ABR: variants seen among roughly 807,000 people sequenced by gnomAD.
ABR encodes the protein ABR activator of RhoGEF and GTPase.
A neutral mutation model predicts 107.2 loss-of-function variants in ABR; 35 were observed. That is an observed-to-expected ratio of 0.33 (90% confidence interval 0.25 to 0.43). The LOEUF (loss-of-function observed/expected upper bound fraction) is 0.43, where lower values mean the gene tolerates loss of function less well. ABR is among the 20% of genes least tolerant of loss of function. ABR has a pLI of 1.00. For synonymous variants in ABR, 498 were observed against 462.0 expected, an observed-to-expected ratio of 1.08 and a Z score of -1.00; for missense variants, 815 against 1,115.2, an observed-to-expected ratio of 0.73 and a Z score of 3.83.
intron 1 of ABR, among the ~76,000 whole-genome samples, chr17:1,160,490 C>G (rs187718343): frequency 6.6e-6 from 1 of 152,234 alleles, no homozygotes; most frequent in Non-Finnish European, 1.5e-5. Context: ...CTCTCTGACT[C>G]TAAGGAGAAC....
Position 1,023,053 on chromosome 17 carries a change from C to A in ABR, c.1792-9889G>T, listed in dbSNP as rs564748570. Among the ~76,000 whole-genome samples, 302 of 148,230 alleles carry A rather than the reference C, an allele frequency of 2.0e-3. 4 individuals carry two copies. Among genetic ancestry groups the A allele is most frequent in the African/African-American group, 7.2e-3 (286 of 39,672 alleles). ...CACTGCAGAGCCTCTGCCTGCCCCACGTCCGCTCCAGCGCCTCTGCCGGCC... is the reference window on the plus strand; with the variant it reads ...CACTGCAGAGCCTCTGCCTGCCCCAAGTCCGCTCCAGCGCCTCTGCCGGCC... On this transcript the variant is annotated intron_variant, in intron 16 of 22. Coordinates refer to ENST00000302538, the MANE Select transcript of ABR (RefSeq NM_021962.5).
At chr17:1,097,704 G>A (rs1369382144) in intron 3 of ABR, among the ~76,000 whole-genome samples, 1 of 151,916 alleles carries the variant, frequency 6.6e-6, no homozygotes, top group Non-Finnish European at 1.5e-5. Context: ...ACTGAGGCAC[G>A]ATAGCTCATT....
chr17:1,159,383 G>A (rs977149767), intron 1 of ABR, among the ~76,000 whole-genome samples: 2 of 102,658 alleles, frequency 1.9e-5, no homozygotes, highest in Admixed American at 1.0e-4. Context: ...GTAAGAATGC[G>A]GTACTCACAC....
intron 5 of ABR, among the ~76,000 whole-genome samples, chr17:1,080,830 T>TCGG (rs2036182032): frequency 6.6e-6 from 1 of 152,116 alleles, no homozygotes; most frequent in Non-Finnish European, 1.5e-5. Context: ...CTCCCAGATT[T>TCGG]CGGGAATGTT....
At chr17:1,123,839 G>T (rs2039463443) in intron 2 of ABR, among the ~76,000 whole-genome samples, 1 of 152,168 alleles carries the variant, frequency 6.6e-6, no homozygotes. Flanking sequence ...TTTGTACCCT[G>T]AGCCCAATGC....
chr17:1,153,445 G>GTCCAGGCACACCTGTGGGAGGGCTAGGGA (rs2040889995), intron 1 of ABR, among the ~76,000 whole-genome samples: 10 of 56,606 alleles, frequency 1.8e-4, no homozygotes, highest in Non-Finnish European at 3.6e-4. Flanking sequence ...AGGGCTGGGG[G>GTCCAGGCACACCTGTGGGAGGGCTAGGGA]TCCAGGCACA....
chr17:1,137,165 T>C lies in ABR; in HGVS notation c.62-11798A>G, dbSNP rs1281925283. 5.3e-5 allele frequency among the ~76,000 whole-genome samples: 8 copies of C among 152,108 alleles called. No individual in the cohort carries two copies. In the East Asian group the frequency reaches 1.4e-3, roughly 26 times the overall value. On this transcript the variant is annotated intron_variant, in intron 1 of 22. Transcript: ENST00000302538. ...TTCAAGTGAGTCTCCCACCTCAGAC[T>C]CCTGAGTAGCTGGAATTACAGGCGC...
In ABR at chr17:1,005,344, A is replaced by G; in HGVS notation, c.*736T>C. On this transcript the variant is annotated 3_prime_UTR_variant, in exon 23 of 23. Transcript: ENST00000302538. ...TGGAGATTCCCAAACGGAAAATTCC[A>G]GAAATGGGCGCTCCAGCTCTGTGCT... The G allele has an allele frequency of 2.5e-6, 1 of 394,026 alleles. No homozygotes were observed. The highest frequency in any genetic ancestry group is 3.6e-5 in the East Asian group (1 of 27,874). The allele number at this position is 394,026 out of a possible 1,614,324, so 24.4% of individuals were successfully genotyped here.
intron 12 of ABR, 119 bp from the exon 13 acceptor site, chr17:1,057,221 G>A (rs766251942): frequency 3.4e-5 from 22 of 655,702 alleles, no homozygotes; most frequent in East Asian, 2.2e-4. Flanking sequence ...TGGTCCTTGC[G>A]AGGGAGGGGG....
chr17:1,217,368 A>G (rs976729231), intron 1 of ABR, among the ~76,000 whole-genome samples: 1 of 152,188 alleles, frequency 6.6e-6, no homozygotes, highest in East Asian at 1.9e-4. Context: ...TGAGCAAGAT[A>G]CCATGTTTCA....
rs1598115170 is a variant in ABR, at chr17:1,200,666, C to T, written c.838+28127G>A. Reference sequence around the variant, plus strand: ...AGATGAGCTATGACCTCACTTTATTCGGGGCCTCCGTGGTGCAGACACAAA... The same window carrying T: ...AGATGAGCTATGACCTCACTTTATTTGGGGCCTCCGTGGTGCAGACACAAA... On this transcript the variant is annotated intron_variant, in intron 1 of 22. Coordinates refer to the ABR transcript ENST00000574139. This position sits in a 1 kb window ranked among gnomAD's most constrained non-coding sequence, Gnocchi z 4.1. Among the ~76,000 whole-genome samples the T allele has an allele frequency of 6.6e-6, 1 of 152,110 alleles. No homozygotes were observed. Among genetic ancestry groups the T allele is most frequent in the Non-Finnish European group, 1.5e-5 (1 of 68,020 alleles).
At chr17:1,172,831 T>C (rs1331663313) in intron 1 of ABR, among the ~76,000 whole-genome samples, 1 of 151,898 alleles carries the variant, frequency 6.6e-6, no homozygotes, top group East Asian at 1.9e-4. Context: ...CAAGGTCACA[T>C]GTCACAAACA....
At chr17:1,031,486 C>T (rs1597452286) in intron 16 of ABR, 3 of 737,044 alleles carry the variant, frequency 4.1e-6, no homozygotes, top group Non-Finnish European at 5.6e-6. Flanking sequence ...CCCGGGACTC[C>T]ACGGAGGGGG....
chr17:1,216,945 G>A (rs1248974466), intron 1 of ABR, among the ~76,000 whole-genome samples: 5 of 152,242 alleles, frequency 3.3e-5, no homozygotes, highest in Admixed American at 3.3e-4. Flanking sequence ...GGTGTTCAGG[G>A]AGCCCCATAA....
Position 1,157,712 on chromosome 17 carries a change from C to T in ABR, c.61+21955G>A, listed in dbSNP as rs1056298710. ...GAAGGAAAGGAACCGGCAGGCACAC[C>T]GCTCTCACGCCAATGCGTGCGGACA... is the stretch of plus-strand genomic sequence containing the variant. On this transcript the variant is annotated intron_variant, in intron 1 of 22. Transcript: ENST00000302538. This position sits in a 1 kb window ranked among gnomAD's most constrained non-coding sequence, Gnocchi z 4.7. Among the ~76,000 whole-genome samples the T allele has an allele frequency of 1.3e-5, 2 of 152,232 alleles. No individual in the cohort carries two copies. Among genetic ancestry groups the T allele is most frequent in the Admixed American group, 6.5e-5 (1 of 15,286 alleles).
At chr17:1,156,451 AGGT>A (rs1392790304) in intron 1 of ABR, among the ~76,000 whole-genome samples, 1 of 152,192 alleles carries the variant, frequency 6.6e-6, no homozygotes, top group Non-Finnish European at 1.5e-5. Flanking sequence ...CGGGAGGCCG[AGGT>A]GGAAGGATCA....
At chr17:1,056,769 A>G (rs953233871) in intron 13 of ABR, among the ~76,000 whole-genome samples, 2 of 152,188 alleles carry the variant, frequency 1.3e-5, no homozygotes, top group African/African-American at 2.4e-5. Context: ...CCAGGGTGCC[A>G]GTTCTCCCAA....
intron 1 of ABR, among the ~76,000 whole-genome samples, chr17:1,208,524 TCTCTG>T (rs1237605145): frequency 1.3e-5 from 2 of 152,202 alleles, no homozygotes; most frequent in Non-Finnish European, 2.9e-5. Context: ...AGATTCGAGT[TCTCTG>T]CTAACGTCGC....
At chr17:1,120,882 C>T (rs1033454653) in intron 2 of ABR, among the ~76,000 whole-genome samples, 1 of 152,198 alleles carries the variant, frequency 6.6e-6, no homozygotes, top group African/African-American at 2.4e-5. Flanking sequence ...TGCCTTGTAG[C>T]CCCTTTTTAC....
Sources: allele counts gnomAD v4.1 joint callset (sites outside exome capture counted in the v4.1 genomes callset), GRCh38; gene constraint gnomAD v4.1.1; non-coding constraint Gnocchi (gnomAD v3.1); transcripts MANE v1.5; gene names NCBI Gene and HGNC (gene_info 2026-07-23, HGNC 2026-07-21).